Variants in KLF12 observed in about 807,000 individuals in gnomAD.
The protein encoded by KLF12 is Krueppel-like factor 12.
A neutral mutation model predicts 37.8 loss-of-function variants in KLF12; 9 were observed. That is an observed-to-expected ratio of 0.24 (90% CI 0.14 to 0.42). The LOEUF (loss-of-function observed/expected upper bound fraction) is 0.42. Ranked by LOEUF, KLF12 falls within the 10% of genes least tolerant of loss-of-function variation. The pLI is 1.00. For synonymous variants in KLF12, 208 were observed against 202.1 expected (o/e 1.03, Z -0.25); for missense variants, 411 against 516.0 (o/e 0.80, Z 1.97).
At chr13:73,818,481 C>T (rs1883355039) in intron 4 of KLF12, among the ~76,000 whole-genome samples, 1 of 152,242 alleles carries the variant, frequency 6.6e-6, no homozygotes, top group African/African-American at 2.4e-5. Context: ...TAGACTGACA[C>T]AGATGCAGGG....
chr13:74,081,609 C>A (rs1874891389), intron 1 of KLF12, among the ~76,000 whole-genome samples: 1 of 152,164 alleles, frequency 6.6e-6, no homozygotes, highest in South Asian at 2.1e-4. Context: ...AACGCATCAT[C>A]CTAGGCACTA....
At chr13:73,978,401 A>C (rs1891600713) in intron 2 of KLF12, among the ~76,000 whole-genome samples, 1 of 152,212 alleles carries the variant, frequency 6.6e-6, no homozygotes, top group Non-Finnish European at 1.5e-5. Flanking sequence ...AAATTAAAGC[A>C]ACAACGATAC....
the KLF12 span, among the ~76,000 whole-genome samples, chr13:74,140,332 G>A: frequency 6.6e-6 from 1 of 152,108 alleles, no homozygotes; most frequent in African/African-American, 2.4e-5. Context: ...AAACCAGCCT[G>A]AGAAATGTAG....
At chr13:74,077,007 T>C (rs1219488124) in intron 1 of KLF12, among the ~76,000 whole-genome samples, 4 of 152,214 alleles carry the variant, frequency 2.6e-5, no homozygotes, top group Non-Finnish European at 4.4e-5. Context: ...TGGTATTCTG[T>C]GGTGTATATG....
At chr13:74,135,269 C>G (rs574746018), upstream of KLF12, among the ~76,000 whole-genome samples, 1 of 152,116 alleles carries the variant, frequency 6.6e-6, no homozygotes, top group South Asian at 2.1e-4. Flanking sequence ...AGCACGCAAA[C>G]TTGGAGGACT....
At chr13:74,174,203 T>C in the KLF12 span, among the ~76,000 whole-genome samples, 1 of 152,186 alleles carries the variant, frequency 6.6e-6, no homozygotes, top group African/African-American at 2.4e-5. Flanking sequence ...AATGACTTTA[T>C]AAAAATTGTT....
intron 4 of KLF12, among the ~76,000 whole-genome samples, chr13:73,844,280 T>A (rs2138674932): frequency 6.6e-6 from 1 of 152,320 alleles, no homozygotes; most frequent in Admixed American, 6.5e-5. Context: ...AAATATCTGA[T>A]TTGGCCTGCA....
chr13:74,057,062 C>T (rs1324855735), intron 1 of KLF12, among the ~76,000 whole-genome samples: 1 of 152,174 alleles, frequency 6.6e-6, no homozygotes. Context: ...AGAGACCAGC[C>T]ATGATGAGCT....
At chr13:73,839,093 CT>C (rs371913126) in intron 4 of KLF12, among the ~76,000 whole-genome samples, 4,306 of 138,448 alleles carry the variant, frequency 0.031, 147 homozygotes, top group African/African-American at 0.091. Context: ...ATGACATTAA[CT>C]TTTTTTTTTT....
chr13:73,867,975 T>C (rs959504559), intron 3 of KLF12, among the ~76,000 whole-genome samples: 3 of 145,622 alleles, frequency 2.1e-5, no homozygotes, highest in Admixed American at 1.4e-4. Flanking sequence ...GAGCCAAGAT[T>C]GTGCTATTGC....
At chr13:74,197,833 C>T in the KLF12 span, among the ~76,000 whole-genome samples, 15 of 152,092 alleles carry the variant, frequency 9.9e-5, no homozygotes, top group African/African-American at 3.1e-4. Context: ...TGAGGCTCCC[C>T]ACCCATTTTG....
At chr13:74,001,333 C>G (rs545811485) in intron 1 of KLF12, among the ~76,000 whole-genome samples, 4 of 152,206 alleles carry the variant, frequency 2.6e-5, no homozygotes, top group African/African-American at 9.6e-5. Flanking sequence ...ACATAGAATG[C>G]CAAATTAAAA....
the KLF12 span, among the ~76,000 whole-genome samples, chr13:74,165,509 G>T: frequency 5.3e-3 from 798 of 151,450 alleles, 5 homozygotes; most frequent in Admixed American, 8.6e-3. Context: ...GTGTTGGCCA[G>T]GCTGGTCTTA....
At chr13:73,881,384 A>G (rs1285921032) in intron 3 of KLF12, among the ~76,000 whole-genome samples, 1 of 152,150 alleles carries the variant, frequency 6.6e-6, no homozygotes, top group Non-Finnish European at 1.5e-5. Context: ...ATTAATATAA[A>G]GGAGCTAAAA....
chr13:74,189,756 A>T, the KLF12 span, among the ~76,000 whole-genome samples: 12 of 152,198 alleles, frequency 7.9e-5, no homozygotes, highest in Admixed American at 5.9e-4. Flanking sequence ...CACATATGTT[A>T]TACACTCTTT....
At chr13:73,717,565 A>G (rs1445082848) in intron 6 of KLF12, among the ~76,000 whole-genome samples, 1 of 152,256 alleles carries the variant, frequency 6.6e-6, no homozygotes, top group Non-Finnish European at 1.5e-5. Context: ...AGGCAAACAA[A>G]GCTTTCTGTT....
At chr13:73,758,170 G>T (rs993408974) in intron 6 of KLF12, among the ~76,000 whole-genome samples, 1 of 152,004 alleles carries the variant, frequency 6.6e-6, no homozygotes, top group African/African-American at 2.4e-5. Context: ...AAGTCTCTGG[G>T]ATTACAGGAA....
intron 1 of KLF12, among the ~76,000 whole-genome samples, chr13:74,037,410 C>T (rs1383489810): frequency 1.3e-5 from 2 of 152,054 alleles, no homozygotes; most frequent in Non-Finnish European, 2.9e-5. Context: ...ATTTAGACCC[C>T]CCATGCCTAC....
At chr13:73,810,354 TA>T (rs767135661) in intron 5 of KLF12, among the ~76,000 whole-genome samples, 43 of 152,234 alleles carry the variant, frequency 2.8e-4, no homozygotes, top group Non-Finnish European at 5.1e-4. Flanking sequence ...ATGCACGTAT[TA>T]AAAGCACAAA....
Sources: gnomAD v4.1 joint callset for allele counts (sites outside exome capture counted in the v4.1 genomes callset) on GRCh38, gnomAD v4.1.1 for gene constraint, MANE v1.5 for transcripts, NCBI Gene and HGNC (gene_info 2026-07-23, HGNC 2026-07-21) for gene names.